The following SGCB variants were observed in gnomAD, a reference collection of about 807,000 sequenced individuals.
The protein encoded by SGCB is sarcoglycan beta, also known as beta-sarcoglycan.
Under a neutral mutation model 27.3 loss-of-function variants are expected in SGCB, and 25 were observed. The observed-to-expected ratio is 0.92, with a 90% CI of 0.67 to 1.28. SGCB has a LOEUF of 1.28. Ranked by LOEUF, SGCB falls within the 50% of genes most tolerant of loss-of-function variation. The pLI is 0.00. For missense variants in SGCB, 436 were observed against 402.1 expected, an observed-to-expected ratio of 1.08 and a Z score of -0.72; for synonymous variants, 147 against 133.5, an observed-to-expected ratio of 1.10 and a Z score of -0.70.
At chr4:52,037,700 T>C (rs964464230) in intron 1 of SGCB, among the ~76,000 whole-genome samples, 4 of 152,166 alleles carry the variant, frequency 2.6e-5, no homozygotes, top group African/African-American at 7.2e-5. Context: ...AGGAGATAGT[T>C]TTAGACTGGT....
intron 3 of SGCB, among the ~76,000 whole-genome samples, chr4:52,029,355 A>G (rs1174652118): frequency 6.6e-6 from 1 of 152,226 alleles, no homozygotes; most frequent in East Asian, 1.9e-4. Context: ...TGGCTTCCTC[A>G]TATGGAGGAG....
At chr4:52,030,798 G>C (rs1412515679) in intron 2 of SGCB, among the ~76,000 whole-genome samples, 1 of 152,058 alleles carries the variant, frequency 6.6e-6, no homozygotes, top group Non-Finnish European at 1.5e-5. Context: ...TCTTTCTTTT[G>C]GTAGAGCACA....
intron 2 of SGCB, among the ~76,000 whole-genome samples, chr4:52,031,305 G>GT (rs370818227): frequency 7.2e-5 from 11 of 151,964 alleles, no homozygotes; most frequent in African/African-American, 1.7e-4. Context: ...TTCTGGAAGA[G>GT]TTTTTTTATC....
chr4:52,027,104 G>A (rs941016929), intron 5 of SGCB, among the ~76,000 whole-genome samples: 2 of 152,196 alleles, frequency 1.3e-5, no homozygotes, highest in Non-Finnish European at 2.9e-5. Context: ...CAGGAACTAT[G>A]AAATTGAAAT....
intron 4 of SGCB, among the ~76,000 whole-genome samples, chr4:52,028,441 T>C (rs907202872): frequency 1.3e-5 from 2 of 152,024 alleles, no homozygotes; most frequent in Non-Finnish European, 2.9e-5. Context: ...ATCGAGACCA[T>C]CCTGACTAAC....
At chr4:52,033,336 T>C (rs187563392) in intron 2 of SGCB, 95 bp downstream of exon 2, 2 of 782,996 alleles carry the variant, frequency 2.6e-6, no homozygotes, top group East Asian at 5.2e-5. Flanking sequence ...ACAAGACATG[T>C]ATAGAAAAGG....
rs1370533814 is a variant in SGCB, at chr4:52,022,663, C to A, written c.*1294G>T. 6.6e-6 allele frequency: 1 copy of A among 152,214 alleles called. No homozygotes were observed. The highest frequency in any genetic ancestry group is 6.5e-5 in the Admixed American group (1 of 15,286). 9.4% of individuals were successfully genotyped at this position (152,214 alleles called of 1,614,324 possible). A position where few individuals can be genotyped will look rare whatever the true frequency, so the allele number is the denominator to read the frequency against. ...TTATTTTCGAGGCATGGTGTACTTA[C>A]TAGGCCATGCCTGGCCCAAAGAACT... On this transcript the variant is annotated 3_prime_UTR_variant, in exon 6 of 6. Coordinates refer to ENST00000381431, the MANE Select transcript of SGCB (RefSeq NM_000232.5).
In SGCB at chr4:52,026,571, A is replaced by C. The variant is rs560636701; in HGVS notation, c.753+1397T>G. 7.9e-5 allele frequency among the ~76,000 whole-genome samples: 12 copies of C among 152,036 alleles called. No homozygotes were observed. The South Asian group carries it at 2.1e-3, about 26-fold the overall frequency. On this transcript the variant is annotated intron_variant, in intron 5 of 5. Transcript: ENST00000381431. Reference sequence around the variant, plus strand: ...CGCGCCCGGCCTAAATTGCTTCTTAAACAGCTTTTTCAAAAAAGCAGTTTA... The same window carrying C: ...CGCGCCCGGCCTAAATTGCTTCTTACACAGCTTTTTCAAAAAAGCAGTTTA...
At chr4:52,027,464 C>T (rs1191236578) in intron 5 of SGCB, among the ~76,000 whole-genome samples, 3 of 151,318 alleles carry the variant, frequency 2.0e-5, no homozygotes, top group Non-Finnish European at 4.4e-5. Context: ...TATAAATTTG[C>T]TAATTGTTTT....
rs747795143 is a variant in SGCB at position 52,033,483 on chromosome 4, A to G, written c.191T>C (p.Leu64Ser). 15 of 1,613,744 alleles carry G rather than the reference A, an allele frequency of 9.3e-6. No homozygotes were observed. Among genetic ancestry groups the G allele is most frequent in the Admixed American group, 6.7e-5 (4 of 60,010 alleles). Reference sequence around the variant, plus strand: ...CAAGAGGATAATCACACAGATGGCTAAATTGCCCTTTCTTCCTCTCAACCC... The same window carrying G: ...CAAGAGGATAATCACACAGATGGCTGAATTGCCCTTTCTTCCTCTCAACCC... ...KTGLRGRKGNLAICVIILLFI... is the reference protein window; with the variant it reads ...KTGLRGRKGNSAICVIILLFI... Residue 64 changes from leucine (L) to serine (S), a missense_variant, in exon 2 of 6, where the codon TTA becomes TCA. Physicochemically the swap from Leu to Ser is moderately radical, Grantham distance 145. Transcript: ENST00000381431.
At chr4:52,028,636 A>G (rs1355848576) in intron 4 of SGCB, 94 bp downstream of exon 4, 1 of 888,650 alleles carries the variant, frequency 1.1e-6, no homozygotes, top group African/African-American at 1.7e-5. Flanking sequence ...ACTCCGTCTC[A>G]AAAAAAAAAC....
At chr4:52,026,281 C>A (rs375063554) in intron 5 of SGCB, among the ~76,000 whole-genome samples, 46 of 73,770 alleles carry the variant, frequency 6.2e-4, no homozygotes, top group Admixed American at 1.3e-3. Flanking sequence ...TTTTTTGAGA[C>A]GGAGTTTTGC....
intron 2 of SGCB, chr4:52,031,854 G>A (rs967287676): frequency 2.2e-6 from 1 of 454,406 alleles, no homozygotes; most frequent in African/African-American, 2.0e-5. Context: ...GAAATTACAT[G>A]GCTTTTTCAC....
chr4:52,038,216 T>C lies in SGCB; in HGVS notation c.33+11A>G. ...CTCCTCCAGCCCGCGGCCGCGGCGG[T>C]ACTCACAGACCTGTTCTGCAGCCGC... On this transcript the variant is annotated intron_variant, in intron 1 of 5. Coordinates refer to ENST00000381431, the MANE Select transcript of SGCB (RefSeq NM_000232.5). The C allele has an allele frequency of 2.4e-6, 3 of 1,246,236 alleles. No homozygotes were observed. The highest frequency in any genetic ancestry group is 2.0e-6 in the Non-Finnish European group (2 of 992,426). The allele number at this position is 1,246,236 out of a possible 1,614,324, so 77.2% of individuals were successfully genotyped here.
At chr4:52,029,430 A>C (rs577956456) in intron 3 of SGCB, among the ~76,000 whole-genome samples, 2 of 152,324 alleles carry the variant, frequency 1.3e-5, no homozygotes, top group East Asian at 3.9e-4. Context: ...CCATTGAACA[A>C]AATCTCAAAT....
At chr4:52,033,703 T>G (rs1737310519) in intron 1 of SGCB, 63 bp from the exon 2 acceptor site, 14 of 1,262,980 alleles carry the variant, frequency 1.1e-5, no homozygotes, top group Non-Finnish European at 1.6e-5. Flanking sequence ...ATTTATCTAT[T>G]AGGTGCAAAT....
At chr4:52,024,351 A>C (rs1179420049) in intron 5 of SGCB, among the ~76,000 whole-genome samples, 191 bp from the exon 6 acceptor site, 1 of 152,240 alleles carries the variant, frequency 6.6e-6, no homozygotes, top group Non-Finnish European at 1.5e-5. Flanking sequence ...TTCACTTCAT[A>C]TATCCATAAC....
At chr4:52,029,585 T>A in intron 3 of SGCB, 93 bp downstream of exon 3, 1 of 770,400 alleles carries the variant, frequency 1.3e-6, no homozygotes, top group Non-Finnish European at 2.3e-6. Flanking sequence ...AGGGAAAATA[T>A]CTCTTTCCAA....
intron 5 of SGCB, among the ~76,000 whole-genome samples, chr4:52,027,541 A>C (rs225168): frequency 0.58 from 86,552 of 150,368 alleles, 27,891 homozygotes; most frequent in Middle Eastern, 0.78. Flanking sequence ...AACAACAACT[A>C]CAAGGCATGA....
Sources: gnomAD v4.1 joint callset for allele counts (sites outside exome capture counted in the v4.1 genomes callset) on GRCh38, gnomAD v4.1.1 for gene constraint, MANE v1.5 for transcripts, NCBI Gene and HGNC (gene_info 2026-07-23, HGNC 2026-07-21) for gene names.